Variants in UNC13C observed in about 807,000 individuals in gnomAD.
UNC13C encodes the protein unc-13 homolog C, also known as protein unc-13 homolog C.
In UNC13C, 174 loss-of-function variants were observed where a neutral mutation model predicts 245.4. The observed-to-expected ratio is 0.71, with a 90% CI of 0.63 to 0.80. The LOEUF (loss-of-function observed/expected upper bound fraction) is 0.80, where lower values mean the gene tolerates loss of function less well. Ranked by LOEUF, UNC13C falls within the 30% of genes least tolerant of loss-of-function variation. UNC13C has a pLI of 0.00. For missense variants in UNC13C, 2,829 were observed against 2,602.9 expected (o/e 1.09, Z -1.89); for synonymous variants, 992 against 895.1 (o/e 1.11, Z -1.93).
At chr15:54,220,935 GTAT>G (rs1254208713) in intron 4 of UNC13C, among the ~76,000 whole-genome samples, 1 of 151,940 alleles carries the variant, frequency 6.6e-6, no homozygotes, top group Non-Finnish European at 1.5e-5. Context: ...CAATAATGGT[GTAT>G]TATTTTATGT....
At chr15:54,213,753 C>T (rs149599668) in intron 4 of UNC13C, among the ~76,000 whole-genome samples, 54 of 152,094 alleles carry the variant, frequency 3.6e-4, no homozygotes, top group African/African-American at 1.3e-3. Context: ...CTATATCAAG[C>T]AGTTCAAAAG....
intron 4 of UNC13C, among the ~76,000 whole-genome samples, chr15:54,149,002 G>A (rs896058197): frequency 3.3e-5 from 5 of 152,168 alleles, no homozygotes; most frequent in Non-Finnish European, 1.5e-5. Flanking sequence ...GGACCTGGTG[G>A]GAGGTGATTG....
chr15:53,841,010 T>C, the UNC13C span, among the ~76,000 whole-genome samples: 1 of 152,154 alleles, frequency 6.6e-6, no homozygotes, highest in African/African-American at 2.4e-5. Flanking sequence ...GAGTGAGAAG[T>C]CCAAGTCTAG....
chr15:54,248,747 G>C (rs1413271473), intron 7 of UNC13C, among the ~76,000 whole-genome samples: 1 of 152,130 alleles, frequency 6.6e-6, no homozygotes, highest in Non-Finnish European at 1.5e-5. Context: ...GCTCTGGATT[G>C]TCCAGCCCCT....
chr15:54,376,356 A>G (rs2039606552), intron 17 of UNC13C, among the ~76,000 whole-genome samples: 1 of 152,244 alleles, frequency 6.6e-6, no homozygotes. Flanking sequence ...TAAGAAGATA[A>G]CAATGACAGA....
the UNC13C span, among the ~76,000 whole-genome samples, chr15:53,908,593 A>G: frequency 1.3e-3 from 173 of 129,474 alleles, 22 homozygotes; most frequent in Admixed American, 0.01. Flanking sequence ...AAACAAACAA[A>G]CACAAAACAT....
chr15:54,009,942 CA>C (rs1232114514), intron 1 of UNC13C, among the ~76,000 whole-genome samples: 2 of 152,156 alleles, frequency 1.3e-5, no homozygotes, highest in African/African-American at 4.8e-5. Context: ...TCTTAAATTT[CA>C]AAACTGTCTA....
the UNC13C span, among the ~76,000 whole-genome samples, chr15:53,850,678 T>C: frequency 1.3e-5 from 2 of 152,316 alleles, no homozygotes; most frequent in East Asian, 3.9e-4. Context: ...ATGTTAATTC[T>C]ACTTAGGTTT....
chr15:54,091,556 TA>T (rs2141137042), intron 2 of UNC13C, among the ~76,000 whole-genome samples: 1 of 152,328 alleles, frequency 6.6e-6, no homozygotes, highest in African/African-American at 2.4e-5. Flanking sequence ...TGTAAATTTT[TA>T]TATGCTTTAA....
At chr15:53,903,667 AT>A in the UNC13C span, among the ~76,000 whole-genome samples, 1 of 152,186 alleles carries the variant, frequency 6.6e-6, no homozygotes, top group Non-Finnish European at 1.5e-5. Context: ...TACTCTGACA[AT>A]GTTCTGAAGC....
the UNC13C span, among the ~76,000 whole-genome samples, chr15:53,855,410 G>A: frequency 1.9e-3 from 287 of 152,146 alleles, no homozygotes; most frequent in Middle Eastern, 6.8e-3. Context: ...TTGCCCATTC[G>A]CTATGATATT....
chr15:54,562,945 C>T (rs1305755330), intron 29 of UNC13C, among the ~76,000 whole-genome samples: 3 of 152,030 alleles, frequency 2.0e-5, no homozygotes, highest in Non-Finnish European at 2.9e-5. Flanking sequence ...TCTGTTGATG[C>T]ATGGTCAGAT....
At chr15:54,179,442 AC>A (rs2033724282) in intron 4 of UNC13C, among the ~76,000 whole-genome samples, 1 of 152,102 alleles carries the variant, frequency 6.6e-6, no homozygotes, top group Non-Finnish European at 1.5e-5. Context: ...GAGTTGAAAT[AC>A]GTGAAACAGG....
chr15:54,098,438 G>A (rs1899992702), intron 2 of UNC13C, among the ~76,000 whole-genome samples: 1 of 152,168 alleles, frequency 6.6e-6, no homozygotes, highest in Admixed American at 6.5e-5. Context: ...GCCTCCCAAA[G>A]TGCTGGGATT....
At chr15:54,377,686 A>T (rs2039635700) in intron 17 of UNC13C, among the ~76,000 whole-genome samples, 1 of 152,204 alleles carries the variant, frequency 6.6e-6, no homozygotes, top group African/African-American at 2.4e-5. Context: ...TCCATTCCTT[A>T]TAGATAGCAC....
chr15:54,355,449 C>T (rs924942600), intron 17 of UNC13C, among the ~76,000 whole-genome samples: 3 of 152,020 alleles, frequency 2.0e-5, no homozygotes, highest in Middle Eastern at 3.4e-3. Flanking sequence ...CTCTGCCTCC[C>T]GGGTGCAAGC....
At chr15:54,553,319 T>C (rs1266098258) in intron 28 of UNC13C, among the ~76,000 whole-genome samples, 1 of 119,998 alleles carries the variant, frequency 8.3e-6, no homozygotes, top group Non-Finnish European at 1.6e-5. Flanking sequence ...ATATAGAATA[T>C]TATATATAAT....
At chr15:54,197,360 GA>G (rs1333142646) in intron 4 of UNC13C, among the ~76,000 whole-genome samples, 1 of 151,860 alleles carries the variant, frequency 6.6e-6, no homozygotes, top group African/African-American at 2.4e-5. Context: ...AGCTAAGTGG[GA>G]GGCTAAGACA....
chr15:53,976,477 C>CT (rs10682648), upstream of UNC13C, among the ~76,000 whole-genome samples: 311 of 63,016 alleles, frequency 4.9e-3, 18 homozygotes, highest in East Asian at 0.051. Flanking sequence ...CTCTCTCTCT[C>CT]TTTTTTTTTT....
Sources: allele counts gnomAD v4.1 joint callset (sites outside exome capture counted in the v4.1 genomes callset), GRCh38; gene constraint gnomAD v4.1.1; transcripts MANE v1.5; gene names NCBI Gene and HGNC (gene_info 2026-07-23, HGNC 2026-07-21).